The following AHI1 variants were observed in gnomAD, a reference collection of about 807,000 sequenced individuals.
The protein encoded by AHI1 is Abelson helper integration site 1.
AHI1 carries 123 observed loss-of-function variants against 149.3 expected under a neutral mutation model. The ratio of observed to expected loss-of-function variants is 0.82; its 90% CI spans 0.71 to 0.96. AHI1 has a LOEUF of 0.96. Among genes scored for constraint, AHI1 ranks in the 40% least tolerant of loss-of-function variants. The pLI is 0.00. For synonymous variants in AHI1, 475 were observed against 459.8 expected, an observed-to-expected ratio of 1.03 and a Z score of -0.42; for missense variants, 1,439 against 1,422.7, an observed-to-expected ratio of 1.01 and a Z score of -0.18.
intron 14 of AHI1, among the ~76,000 whole-genome samples, chr6:135,441,862 A>G (rs993601760): frequency 6.6e-5 from 10 of 152,110 alleles, no homozygotes; most frequent in African/African-American, 2.4e-4. Context: ...ATAAATGCCA[A>G]TCAAGTCAAT....
At chr6:135,409,972 T>A (rs1284050036) in intron 21 of AHI1, among the ~76,000 whole-genome samples, 1 of 152,168 alleles carries the variant, frequency 6.6e-6, no homozygotes, top group African/African-American at 2.4e-5. Flanking sequence ...TTATCAACAA[T>A]AATAACTAAC....
At chr6:135,467,740 A>C in intron 5 of AHI1, 106 bp from the exon 6 acceptor site, 2 of 755,440 alleles carry the variant, frequency 2.6e-6, no homozygotes, top group East Asian at 2.8e-5. Flanking sequence ...AAAATTATTT[A>C]GTTTTTTTAC....
chr6:135,492,655 T>C (rs940501121), intron 3 of AHI1: 24 of 985,330 alleles, frequency 2.4e-5, no homozygotes, highest in Non-Finnish European at 2.4e-5. Context: ...CATCTCAGGA[T>C]TGACTTTCCT....
intron 5 of AHI1, among the ~76,000 whole-genome samples, chr6:135,487,802 C>A (rs990899879): frequency 4.6e-5 from 7 of 152,156 alleles, no homozygotes; most frequent in Admixed American, 2.6e-4. Context: ...TAACCAACTT[C>A]TCTTCATCCC....
chr6:135,374,359 G>A (rs551438650), intron 23 of AHI1, among the ~76,000 whole-genome samples: 6 of 151,732 alleles, frequency 4.0e-5, no homozygotes, highest in South Asian at 2.1e-4. Context: ...TGATCCACCC[G>A]CCTCAGCCTC....
At position 135,285,258 on chromosome 6, in the gene AHI1, A is replaced by C. The variant is rs886061107; in HGVS notation, c.*387T>G. 2.8e-5 allele frequency: 7 copies of C among 247,480 alleles called. No individual in the cohort carries two copies. Among genetic ancestry groups the C allele is most frequent in the African/African-American group, 4.5e-5 (2 of 44,046 alleles). The allele number at this position is 247,480 out of a possible 1,614,324, so 15.3% of individuals were successfully genotyped here. ...CATCACACATACAACCATTACCAAT[A>C]TAATAATATTAAATGATTACTTAAC... On this transcript the variant is annotated 3_prime_UTR_variant, in exon 29 of 29. Coordinates refer to ENST00000265602, the MANE Select transcript of AHI1 (RefSeq NM_001134831.2).
At chr6:135,412,663 A>G (rs193234921) in intron 20 of AHI1, among the ~76,000 whole-genome samples, 75 of 152,336 alleles carry the variant, frequency 4.9e-4, no homozygotes, top group African/African-American at 1.8e-3. Flanking sequence ...CATGAACTTG[A>G]AAAATATTAA....
At chr6:135,427,365 T>C in intron 19 of AHI1, 58 bp from the exon 20 acceptor site, 1 of 1,433,752 alleles carries the variant, frequency 7.0e-7, no homozygotes, top group South Asian at 1.3e-5. Flanking sequence ...TCGATAAATC[T>C]TCTCACAAGA....
intron 20 of AHI1, among the ~76,000 whole-genome samples, chr6:135,421,419 G>A (rs1242682775): frequency 4.6e-5 from 7 of 152,020 alleles, no homozygotes; most frequent in Non-Finnish European, 8.8e-5. Flanking sequence ...TATGCTTCAT[G>A]CCTCATTTTA....
intron 27 of AHI1, among the ~76,000 whole-genome samples, chr6:135,291,730 A>G (rs541870186): frequency 7.9e-4 from 120 of 152,354 alleles, no homozygotes; most frequent in Non-Finnish European, 1.3e-4. Context: ...AGAAATTACA[A>G]AGAAGAAAGG....
At chr6:135,356,644 A>T (rs1015940818) in intron 24 of AHI1, among the ~76,000 whole-genome samples, 1 of 152,156 alleles carries the variant, frequency 6.6e-6, no homozygotes, top group African/African-American at 2.4e-5. Flanking sequence ...AAAATAATAA[A>T]TTTTTCTTAA....
At chr6:135,429,645 T>A (rs983927184) in intron 18 of AHI1, among the ~76,000 whole-genome samples, 2 of 151,468 alleles carry the variant, frequency 1.3e-5, no homozygotes, top group Non-Finnish European at 3.0e-5. Flanking sequence ...TTGGGCTGGA[T>A]AATTGTTTTA....
Position 135,461,941 on chromosome 6 carries a change from A to G in AHI1, c.931+1184T>C, listed in dbSNP as rs1170050374. On this transcript the variant is annotated intron_variant, in intron 8 of 28. Coordinates refer to ENST00000265602, the MANE Select transcript of AHI1 (RefSeq NM_001134831.2). ...TACTCCCACAGGGCAACTAACGGGA[A>G]GGTGATTTTTCTGGGTGCTAATGAT... 3.9e-5 allele frequency among the ~76,000 whole-genome samples: 6 copies of G among 152,204 alleles called. No individual in the cohort carries two copies. In the South Asian group the frequency reaches 6.2e-4, roughly 16 times the overall value.
chr6:135,374,262 G>T (rs1470133970), intron 23 of AHI1, among the ~76,000 whole-genome samples: 1 of 150,940 alleles, frequency 6.6e-6, no homozygotes, highest in South Asian at 2.1e-4. Flanking sequence ...ACAGGTGCCC[G>T]CCATCACGCC....
In AHI1 at chr6:135,289,552, C is replaced by T. The variant is rs73557661; in HGVS notation, c.3588+871G>A. On this transcript the variant is annotated intron_variant, in intron 28 of 28. Transcript: ENST00000265602. Reference sequence around the variant, plus strand: ...CTTCCATGGGTAAATCTCTTCCATCCCAGGTTATTGTTCATTTAAAAATTC... The same window carrying T: ...CTTCCATGGGTAAATCTCTTCCATCTCAGGTTATTGTTCATTTAAAAATTC... 1.2e-3 allele frequency among the ~76,000 whole-genome samples: 188 copies of T among 152,030 alleles called. 2 individuals carry two copies. Among genetic ancestry groups the T allele is most frequent in the African/African-American group, 4.2e-3 (173 of 41,352 alleles).
intron 13 of AHI1, 68 bp downstream of exon 13, chr6:135,446,940 G>A: frequency 6.9e-7 from 1 of 1,456,020 alleles, no homozygotes; most frequent in Non-Finnish European, 9.3e-7. Context: ...AGATATCCTA[G>A]GAGTTATTGG....
At chr6:135,494,555 G>A (rs761795372) in intron 3 of AHI1, among the ~76,000 whole-genome samples, 2 of 152,116 alleles carry the variant, frequency 1.3e-5, no homozygotes, top group South Asian at 4.1e-4. Flanking sequence ...GATTAAATGA[G>A]AATATGCAAA....
intron 3 of AHI1, chr6:135,492,984 T>TA (rs11423493): frequency 0.82 from 676,876 of 826,152 alleles, 280,335 homozygotes; most frequent in East Asian, 0.88. Flanking sequence ...TGAAGAGTGT[T>TA]AAAAAAAAAG....
At chr6:135,302,877 T>C in intron 26 of AHI1, 1 of 1,193,396 alleles carries the variant, frequency 8.4e-7, no homozygotes, top group Non-Finnish European at 1.1e-6. Flanking sequence ...ACCCCCACCA[T>C]CGACAACGCC....
Sources: allele counts gnomAD v4.1 joint callset (sites outside exome capture counted in the v4.1 genomes callset), GRCh38; gene constraint gnomAD v4.1.1; transcripts MANE v1.5; gene names NCBI Gene and HGNC (gene_info 2026-07-23, HGNC 2026-07-21).